Variants in SLC24A2 observed in about 807,000 individuals in gnomAD.
SLC24A2 encodes the protein sodium/potassium/calcium exchanger 2.
Under a neutral mutation model 62.0 loss-of-function variants are expected in SLC24A2, and 36 were observed. The ratio of observed to expected loss-of-function variants is 0.58; its 90% confidence interval spans 0.44 to 0.77. The LOEUF is 0.77. Ranked by LOEUF, SLC24A2 falls within the 30% of genes least tolerant of loss-of-function variation. The pLI is 0.00. For missense variants in SLC24A2, 846 were observed against 817.9 expected (o/e 1.03, Z -0.42); for synonymous variants, 358 against 294.0 (o/e 1.22, Z -2.23).
chr9:19,680,606 A>T (rs537797820), intron 2 of SLC24A2, among the ~76,000 whole-genome samples: 48 of 16,248 alleles, frequency 3.0e-3, no homozygotes, highest in African/African-American at 4.5e-3. Flanking sequence ...GTTCTATAAC[A>T]TATATATATA....
the SLC24A2 span, among the ~76,000 whole-genome samples, chr9:20,193,313 G>C: frequency 6.6e-6 from 1 of 152,156 alleles, no homozygotes; most frequent in South Asian, 2.1e-4. Context: ...TTATTAGTCA[G>C]TGAACAGACT....
rs370791755 is a variant in SLC24A2 at position 19,758,529 on chromosome 9, TAAAC to T, written c.930+27404_930+27407del. Among the ~76,000 whole-genome samples the T allele has an allele frequency of 2.8e-4, 43 of 152,278 alleles. No individual in the cohort carries two copies. In the East Asian group the frequency reaches 5.0e-3, roughly 18 times the overall value. On this transcript the variant is annotated intron_variant, in intron 2 of 10. Transcript: ENST00000341998. ...TATTTATTTTCAGTAGGTCTTTACTTAAACAAACAAAAAAAACCCCCTAAGAATT... is the reference window on the plus strand; with the variant it reads ...TATTTATTTTCAGTAGGTCTTTACTTAAACAAAAAAAACCCCCTAAGAATT...
the SLC24A2 span, among the ~76,000 whole-genome samples, chr9:20,047,618 T>G: frequency 8.5e-5 from 12 of 140,930 alleles, no homozygotes; most frequent in Non-Finnish European, 1.7e-4. Flanking sequence ...GAATCTTCAC[T>G]GTGTCTGGTG....
intron 8 of SLC24A2, among the ~76,000 whole-genome samples, chr9:19,548,000 C>G (rs1354147787): frequency 6.6e-6 from 1 of 151,632 alleles, no homozygotes; most frequent in Non-Finnish European, 1.5e-5. Flanking sequence ...AATAAAGAAA[C>G]TTAAATATTG....
the SLC24A2 span, among the ~76,000 whole-genome samples, chr9:19,837,520 C>G: frequency 7.1e-6 from 1 of 140,918 alleles, no homozygotes; most frequent in Non-Finnish European, 1.5e-5. Flanking sequence ...GACAGGGATG[C>G]CTTCCCTCAC....
the SLC24A2 span, among the ~76,000 whole-genome samples, chr9:20,011,662 T>A: frequency 6.6e-6 from 1 of 151,974 alleles, no homozygotes; most frequent in African/African-American, 2.4e-5. Context: ...TGGCTGAAAA[T>A]TTCCCAATTT....
the SLC24A2 span, among the ~76,000 whole-genome samples, chr9:20,001,285 T>C: frequency 6.6e-6 from 1 of 152,018 alleles, no homozygotes; most frequent in South Asian, 2.1e-4. Context: ...CTGTGGAGAG[T>C]GCTCTGCATG....
At chr9:19,915,997 T>A in the SLC24A2 span, among the ~76,000 whole-genome samples, 2,569 of 152,166 alleles carry the variant, frequency 0.017, 26 homozygotes, top group South Asian at 0.041. Flanking sequence ...CATAAAGCTA[T>A]ATCACAGCTA....
chr9:20,222,777 G>A, the SLC24A2 span, among the ~76,000 whole-genome samples: 1 of 151,994 alleles, frequency 6.6e-6, no homozygotes, highest in Non-Finnish European at 1.5e-5. Flanking sequence ...TATTTGTCAA[G>A]ATTTTTAAAA....
At chr9:19,557,288 G>C (rs186750017) in intron 7 of SLC24A2, among the ~76,000 whole-genome samples, 3 of 152,322 alleles carry the variant, frequency 2.0e-5, no homozygotes, top group Admixed American at 6.5e-5. Flanking sequence ...CAAACATGAA[G>C]TGTAGGAGTT....
the SLC24A2 span, among the ~76,000 whole-genome samples, chr9:19,850,052 G>A: frequency 6.7e-6 from 1 of 149,054 alleles, no homozygotes; most frequent in African/African-American, 2.5e-5. Context: ...TGAATGTTAT[G>A]TAGGGCTATG....
the SLC24A2 span, among the ~76,000 whole-genome samples, chr9:20,230,935 C>T: frequency 2.0e-5 from 3 of 152,134 alleles, no homozygotes; most frequent in Non-Finnish European, 4.4e-5. Flanking sequence ...GTGATCCAGT[C>T]TCAGCTTTCT....
the SLC24A2 span, among the ~76,000 whole-genome samples, chr9:20,230,176 T>C: frequency 6.6e-6 from 1 of 152,178 alleles, no homozygotes; most frequent in Non-Finnish European, 1.5e-5. Flanking sequence ...CTAGGGTGAA[T>C]AGTGCCACTA....
At chr9:19,695,941 T>C (rs962031951) in intron 2 of SLC24A2, among the ~76,000 whole-genome samples, 6 of 152,232 alleles carry the variant, frequency 3.9e-5, no homozygotes, top group East Asian at 1.9e-4. Context: ...AACTTTACTA[T>C]ATCTACTTTA....
chr9:20,149,556 A>G, the SLC24A2 span, among the ~76,000 whole-genome samples: 1 of 151,978 alleles, frequency 6.6e-6, no homozygotes, highest in Non-Finnish European at 1.5e-5. Context: ...TGGCTGCTCA[A>G]TTTTGCTACT....
the SLC24A2 span, among the ~76,000 whole-genome samples, chr9:20,140,978 G>C: frequency 1.3e-5 from 2 of 151,990 alleles, no homozygotes; most frequent in East Asian, 3.9e-4. Context: ...CTGAAAAACT[G>C]AGGCTACTAA....
the SLC24A2 span, among the ~76,000 whole-genome samples, chr9:20,228,765 C>G: frequency 6.6e-6 from 1 of 152,076 alleles, no homozygotes; most frequent in Non-Finnish European, 1.5e-5. Context: ...CCATGTGTAG[C>G]TCAAAGTATG....
rs371241265 is a variant in SLC24A2 at position 19,786,156 on chromosome 9, C to T, written c.711G>A (p.Pro237=). The change falls in exon 2 of 11, where the codon CCG becomes CCA. Residue 237 remains proline (P), a synonymous_variant. Transcript: ENST00000341998. This position sits in a 1 kb window ranked among gnomAD's most constrained non-coding sequence, Gnocchi z 5.0. ...TGTAGAAAGACACATCTCGAAAGAGCGGCCACCATGTCAGGTTTAAGATTT... is the reference window on the plus strand; with the variant it reads ...TGTAGAAAGACACATCTCGAAAGAGTGGCCACCATGTCAGGTTTAAGATTT... ...SREILNLTWW[P]LFRDVSFYIV... 206 of 1,613,974 alleles carry T rather than the reference C, an allele frequency of 1.3e-4. No homozygotes were observed. The highest frequency in any genetic ancestry group is 1.7e-4 in the Non-Finnish European group (195 of 1,180,022).
At chr9:20,170,680 G>A in the SLC24A2 span, among the ~76,000 whole-genome samples, 1 of 151,948 alleles carries the variant, frequency 6.6e-6, no homozygotes, top group Non-Finnish European at 1.5e-5. Flanking sequence ...AAAGGACAAG[G>A]AAGTTAGCAG....
Sources: gnomAD v4.1 joint callset for allele counts (sites outside exome capture counted in the v4.1 genomes callset) on GRCh38, gnomAD v4.1.1 for gene constraint, Gnocchi (gnomAD v3.1) non-coding constraint, MANE v1.5 for transcripts, NCBI Gene and HGNC (gene_info 2026-07-23, HGNC 2026-07-21) for gene names.